Variants in WFDC6 observed in about 807,000 individuals in gnomAD.
WFDC6 encodes WAP four-disulfide core domain protein 6.
In WFDC6, 10 loss-of-function variants were observed where a neutral mutation model predicts 8.2. The ratio of observed to expected loss-of-function variants is 1.22; its 90% CI spans 0.75 to 2.07. WFDC6 has a LOEUF of 2.07. WFDC6 is among the 30% of genes most tolerant of loss of function. The pLI, the probability that WFDC6 is intolerant of heterozygous loss-of-function variation, is 0.00. For missense variants in WFDC6, 105 were observed against 104.9 expected, an observed-to-expected ratio of 1.00 and a Z score of 0.00; for synonymous variants, 28 against 37.0, an observed-to-expected ratio of 0.76 and a Z score of 0.88.
chr20:45,537,226 G>A (rs570244915), intron 2 of WFDC6: 1 of 389,436 alleles, frequency 2.6e-6, no homozygotes, highest in African/African-American at 2.0e-5. Context: ...TGAACATCCT[G>A]CCTCCTGCCA....
At chr20:45,537,556 G>GA (rs1979412415) in intron 2 of WFDC6, 5 of 1,549,924 alleles carry the variant, frequency 3.2e-6, no homozygotes, top group Non-Finnish European at 4.4e-6. Flanking sequence ...GAGGCCTAGA[G>GA]AAAAAAGCCA....
chr20:45,538,002 G>A lies in WFDC6; in HGVS notation c.184C>T (p.Pro62Ser). 2 of 1,613,988 alleles carry A rather than the reference G, an allele frequency of 1.2e-6. No individual in the cohort carries two copies. Among genetic ancestry groups the A allele is most frequent in the East Asian group, 2.2e-5 (1 of 44,856 alleles). ...AAACATTTCTTTCCACGGCTGAACGGGCAACACTTCATGTTTTCTGGGCAA... is the reference window on the plus strand; with the variant it reads ...AAACATTTCTTTCCACGGCTGAACGAGCAACACTTCATGTTTTCTGGGCAA... ...RDCPENMKCCPFSRGKKCLDF... is the reference protein window; with the variant it reads ...RDCPENMKCCSFSRGKKCLDF... Residue 62 changes from proline (P) to serine (S), a missense_variant, in exon 2 of 3, where the codon CCG (proline) becomes TCG (serine). Physicochemically the swap from Pro to Ser is moderately conservative, Grantham distance 74 (BLOSUM62 -1). Coordinates refer to ENST00000372670, the MANE Select transcript of WFDC6 (RefSeq NM_080827.2).
intron 2 of WFDC6, among the ~76,000 whole-genome samples, chr20:45,534,895 C>T (rs779740222): frequency 7.9e-5 from 12 of 152,204 alleles, no homozygotes; most frequent in Non-Finnish European, 1.5e-4. Context: ...CTGGGTTTAC[C>T]GGGCTTCCGT....
intron 1 of WFDC6, among the ~76,000 whole-genome samples, 186 bp from the exon 2 acceptor site, chr20:45,538,280 T>A (rs1979448317): frequency 6.6e-6 from 1 of 151,896 alleles, no homozygotes; most frequent in Non-Finnish European, 1.5e-5. Flanking sequence ...CCATAACAAC[T>A]CACCATCGGA....
At chr20:45,537,303 T>C (rs1979403205) in intron 2 of WFDC6, 1 of 578,302 alleles carries the variant, frequency 1.7e-6, no homozygotes, top group Non-Finnish European at 3.1e-6. Context: ...GTCTAAGTAC[T>C]CATCTTTCAG....
At chr20:45,537,384 C>T in intron 2 of WFDC6, 1 of 810,330 alleles carries the variant, frequency 1.2e-6, no homozygotes, top group Non-Finnish European at 2.0e-6. Flanking sequence ...CAAGTGGAAC[C>T]CATCATGGGT....
intron 2 of WFDC6, chr20:45,535,184 C>G (rs1304533701): frequency 7.7e-7 from 1 of 1,304,040 alleles, no homozygotes; most frequent in Non-Finnish European, 1.0e-6. Context: ...GGTGACCAGA[C>G]AGATAGCTTC....
rs1161047411 is a variant in WFDC6 at position 45,534,475 on chromosome 20, GCTC to G, written c.250_252del (p.Glu84del). 3.1e-6 allele frequency: 5 copies of G among 1,614,010 alleles called. No homozygotes were observed. The highest frequency in any genetic ancestry group is 4.2e-6 in the Non-Finnish European group (5 of 1,179,916). The stretch of plus-strand genomic sequence containing the variant: ...GAGCCAAATCCTGGAGGTTATTCAA[GCTC>G]CTCCTTATGGTATAAAGTAAGGCTG... On this transcript the variant is annotated inframe_deletion, in exon 3 of 3. Transcript: ENST00000372670.
At chr20:45,537,608 A>C in intron 2 of WFDC6, 1 of 1,501,734 alleles carries the variant, frequency 6.7e-7, no homozygotes, top group Admixed American at 2.0e-5. Flanking sequence ...GCTATCATAT[A>C]ACCTGACACA....
intron 2 of WFDC6, 54 bp from the exon 3 acceptor site, chr20:45,534,559 A>G (rs1979293630): frequency 8.1e-6 from 13 of 1,597,602 alleles, no homozygotes; most frequent in Non-Finnish European, 1.1e-5. Context: ...CACATTAGGA[A>G]CCAAATCTTG....
intron 2 of WFDC6, among the ~76,000 whole-genome samples, chr20:45,535,942 C>T (rs559840634): frequency 7.5e-4 from 115 of 152,332 alleles, no homozygotes; most frequent in Non-Finnish European, 1.1e-3. Flanking sequence ...CACCCCGTGC[C>T]TTTGCACATG....
At position 45,539,361 on chromosome 20, in the gene WFDC6, A is replaced by C. The variant is rs761262379; in HGVS notation, c.47T>G (p.Leu16Trp). The change falls in exon 1 of 3, where the codon TTG (leucine) becomes TGG (tryptophan). Residue 16 changes from leucine (L) to tryptophan (W), a missense_variant. Coordinates refer to ENST00000372670, the MANE Select transcript of WFDC6 (RefSeq NM_080827.2). Reference sequence around the variant, plus strand: ...GTGCCCAGGTTCCTGGATGTCCCCCAAAAGGATGAATGGTACCAGGATTGG... The same window carrying C: ...GTGCCCAGGTTCCTGGATGTCCCCCCAAAGGATGAATGGTACCAGGATTGG... Reference protein sequence around the residue: ...LLPILVPFILLGDIQEPGHAE... With the variant: ...LLPILVPFILWGDIQEPGHAE... 2.5e-6 allele frequency: 4 copies of C among 1,613,754 alleles called. No homozygotes were observed. In the African/African-American group the frequency reaches 5.3e-5, roughly 22 times the overall value.
In WFDC6 at chr20:45,538,063, T is replaced by G. The variant is rs1267339846; in HGVS notation, c.123A>C (p.Glu41Asp). The change falls in exon 2 of 3, where the codon GAA (glutamate) becomes GAC (aspartate). Residue 41 changes from glutamate to aspartate, a missense_variant. Glu to Asp is a conservative substitution (Grantham distance 45). Coordinates refer to ENST00000372670, the MANE Select transcript of WFDC6 (RefSeq NM_080827.2). The stretch of plus-strand genomic sequence containing the variant: ...TGGTACACTGGTCTATTTCTTCCAC[T>G]TCGCATTCCACTTTGATTTTGGGAC... ...KPCPKIKVEC[E>D]VEEIDQCTKP... The G allele has an allele frequency of 4.3e-6, 7 of 1,613,976 alleles. No homozygotes were observed. Among genetic ancestry groups the G allele is most frequent in the Non-Finnish European group, 5.9e-6 (7 of 1,179,918 alleles).
chr20:45,539,187 C>T, intron 1 of WFDC6, 130 bp downstream of exon 1: 1 of 863,438 alleles, frequency 1.2e-6, no homozygotes, highest in Non-Finnish European at 1.8e-6. Context: ...CAAATAGCTC[C>T]CCTCTTTCCC....
At chr20:45,537,510 T>C (rs545608491) in intron 2 of WFDC6, 1 of 1,547,970 alleles carries the variant, frequency 6.5e-7, no homozygotes, top group Middle Eastern at 1.7e-4. Flanking sequence ...CGGTCTAAGG[T>C]GGTCAGGGAA....
chr20:45,538,181 G>A lies in WFDC6; in HGVS notation c.92-87C>T, dbSNP rs1226160580. On this transcript the variant is annotated intron_variant, in intron 1 of 2. Transcript: ENST00000372670. ...AGACCAGGGCACCCCTCCAGAGTTA[G>A]AGAACTTTGTTTCCACTTCACCTAT... 3.1e-6 allele frequency: 5 copies of A among 1,594,460 alleles called. 1 individual carries two copies. In the South Asian group the frequency reaches 3.4e-5, roughly 11 times the overall value.
intron 1 of WFDC6, among the ~76,000 whole-genome samples, chr20:45,538,456 T>C (rs142279719): frequency 6.6e-6 from 1 of 152,190 alleles, no homozygotes; most frequent in East Asian, 1.9e-4. Context: ...TGGCATCAGA[T>C]AGCTGGGCTT....
intron 2 of WFDC6, 45 bp downstream of exon 2, chr20:45,537,919 A>G (rs765348286): frequency 6.2e-7 from 1 of 1,613,226 alleles, no homozygotes; most frequent in Admixed American, 1.7e-5. Context: ...GCAGGTGGAG[A>G]TAGGAGGTGA....
intron 2 of WFDC6, among the ~76,000 whole-genome samples, chr20:45,535,845 T>C (rs1979344341): frequency 6.6e-6 from 1 of 152,036 alleles, no homozygotes; most frequent in Admixed American, 6.6e-5. Flanking sequence ...GAATCCATTT[T>C]CTCCTTCTCC....
Sources: gnomAD v4.1 joint callset for allele counts (sites outside exome capture counted in the v4.1 genomes callset) on GRCh38, gnomAD v4.1.1 for gene constraint, MANE v1.5 for transcripts, NCBI Gene and HGNC (gene_info 2026-07-23, HGNC 2026-07-21) for gene names.